CADM1: variants seen among roughly 807,000 people sequenced by gnomAD.
The protein encoded by CADM1 is TSLC-1.
Under a neutral mutation model 53.1 loss-of-function variants are expected in CADM1, and 15 were observed. That is an observed-to-expected ratio of 0.28 (90% CI 0.19 to 0.44). The LOEUF (loss-of-function observed/expected upper bound fraction) is 0.44, where lower values mean the gene tolerates loss of function less well. Ranked by LOEUF, CADM1 falls within the 20% of genes least tolerant of loss-of-function variation. The pLI, the probability that CADM1 is intolerant of heterozygous loss-of-function variation, is 1.00. For synonymous variants in CADM1, 281 were observed against 243.0 expected (o/e 1.16, Z -1.45); for missense variants, 434 against 611.3 (o/e 0.71, Z 3.06).
chr11:115,258,016 C>T (rs1248821687), intron 1 of CADM1, among the ~76,000 whole-genome samples: 1 of 152,194 alleles, frequency 6.6e-6, no homozygotes, highest in African/African-American at 2.4e-5. Context: ...CCTTTACCAA[C>T]CATCAAAGTA....
At chr11:115,366,804 C>T (rs1304015157) in intron 1 of CADM1, among the ~76,000 whole-genome samples, 3 of 151,664 alleles carry the variant, frequency 2.0e-5, no homozygotes, top group Non-Finnish European at 4.4e-5. Context: ...CAGAGTAAGT[C>T]AACACCAAAA....
At position 115,488,124 on chromosome 11, in the gene CADM1, T is replaced by C. The variant is rs147918228; in HGVS notation, c.124+16147A>G. On this transcript the variant is annotated intron_variant, in intron 1 of 11. Transcript: ENST00000331581. ...CATTCCTCTCAAAACTTCAACTAAT[T>C]GCAATAATCCACTCACAATGCCTAA... Among the ~76,000 whole-genome samples the C allele has an allele frequency of 2.2e-3, 335 of 152,056 alleles. 1 individual carries two copies. Among genetic ancestry groups the C allele is most frequent in the African/African-American group, 7.9e-3 (327 of 41,490 alleles).
intron 9 of CADM1, among the ~76,000 whole-genome samples, chr11:115,196,253 T>A (rs1283720173): frequency 6.6e-6 from 1 of 152,136 alleles, no homozygotes; most frequent in Non-Finnish European, 1.5e-5. Context: ...AAAGACCCGA[T>A]TAAAACTAGT....
Position 115,174,815 on chromosome 11 carries a change from A to G in CADM1, c.*1659T>C. 1 of 980,034 alleles carries G rather than the reference A, an allele frequency of 1.0e-6. No homozygotes were observed. The highest frequency in any genetic ancestry group is 1.2e-6 in the Non-Finnish European group (1 of 824,976). 60.7% of individuals were successfully genotyped at this position (980,034 alleles called of 1,614,324 possible). ...ATAGGGACTGTTAGCTGGAGTCTGG[A>G]GTCTTACCAAACATATGGTAAGAGT... On this transcript the variant is annotated 3_prime_UTR_variant, in exon 12 of 12. Transcript: ENST00000331581.
chr11:115,351,131 AAAC>A (rs1209774680), intron 1 of CADM1, among the ~76,000 whole-genome samples: 3 of 66 alleles, frequency 0.045, no homozygotes, highest in Non-Finnish European at 0.17. Flanking sequence ...GCAAGGAAAC[AAAC>A]AAAAAAAAGT....
intron 1 of CADM1, among the ~76,000 whole-genome samples, chr11:115,352,926 C>A (rs1945773219): frequency 6.6e-6 from 1 of 152,130 alleles, no homozygotes; most frequent in Non-Finnish European, 1.5e-5. Flanking sequence ...CAATCTGCCA[C>A]TGATGGGCAT....
chr11:115,350,461 A>G (rs1470523047), intron 1 of CADM1, among the ~76,000 whole-genome samples: 1 of 151,812 alleles, frequency 6.6e-6, no homozygotes, highest in Non-Finnish European at 1.5e-5. Flanking sequence ...TAGAAATCCT[A>G]AAAGTGCTTT....
At chr11:115,435,480 C>T (rs1481166975) in intron 1 of CADM1, among the ~76,000 whole-genome samples, 4 of 152,140 alleles carry the variant, frequency 2.6e-5, no homozygotes, top group Non-Finnish European at 5.9e-5. Context: ...CTCCTGTAAT[C>T]CCAGCACTTT....
At chr11:115,370,766 T>C (rs1946287716) in intron 1 of CADM1, among the ~76,000 whole-genome samples, 1 of 152,200 alleles carries the variant, frequency 6.6e-6, no homozygotes, top group African/African-American at 2.4e-5. Context: ...ACCTGGATTT[T>C]ATAGTTATCC....
At chr11:115,300,651 T>C (rs1565351983) in intron 1 of CADM1, among the ~76,000 whole-genome samples, 1 of 152,146 alleles carries the variant, frequency 6.6e-6, no homozygotes, top group Non-Finnish European at 1.5e-5. Context: ...TATCCCTATT[T>C]ACAATGTACC....
chr11:115,437,021 T>C (rs980702582), intron 1 of CADM1, among the ~76,000 whole-genome samples: 9 of 152,210 alleles, frequency 5.9e-5, no homozygotes, highest in African/African-American at 2.2e-4. Context: ...CAAGGAATTC[T>C]TTTTGTAAGT....
At chr11:115,349,733 A>G (rs1222868683) in intron 1 of CADM1, among the ~76,000 whole-genome samples, 5 of 152,204 alleles carry the variant, frequency 3.3e-5, no homozygotes, top group Non-Finnish European at 7.3e-5. Context: ...CAAGGGCTTG[A>G]CAGACAAGAA....
At chr11:115,426,208 G>A (rs1317289288) in intron 1 of CADM1, among the ~76,000 whole-genome samples, 3 of 152,124 alleles carry the variant, frequency 2.0e-5, no homozygotes, top group Non-Finnish European at 4.4e-5. Flanking sequence ...CATGATTAGT[G>A]GATGCTAGAA....
At chr11:115,343,684 T>C (rs1406145505) in intron 1 of CADM1, among the ~76,000 whole-genome samples, 1 of 149,900 alleles carries the variant, frequency 6.7e-6, no homozygotes, top group East Asian at 2.0e-4. Context: ...CCTTTATTTC[T>C]ATAAATAATG....
At chr11:115,242,328 G>C (rs1306027661) in intron 1 of CADM1, among the ~76,000 whole-genome samples, 1 of 144,198 alleles carries the variant, frequency 6.9e-6, no homozygotes, top group East Asian at 2.0e-4. Context: ...AAAGAGAAAA[G>C]GTGATCAGAA....
chr11:115,477,514 G>A (rs1949162201), intron 1 of CADM1, among the ~76,000 whole-genome samples: 1 of 152,174 alleles, frequency 6.6e-6, no homozygotes, highest in African/African-American at 2.4e-5. Context: ...TATCCACAAT[G>A]TCAACACTGT....
rs192136312 is a variant in CADM1, at chr11:115,228,870, G to A, written c.721+243C>T. Among the ~76,000 whole-genome samples, 136 of 152,260 alleles carry A rather than the reference G, an allele frequency of 8.9e-4. 1 individual carries two copies. The highest frequency in any genetic ancestry group is 4.8e-3 in the South Asian group (23 of 4,824). ...TATGCAAAGAAATTAATTAAGTCAC[G>A]TGTTAGAGCAGATTGATATTATTTC... On this transcript the variant is annotated intron_variant, in intron 5 of 11. Transcript: ENST00000331581.
At chr11:115,381,645 T>C (rs1239933352) in intron 1 of CADM1, among the ~76,000 whole-genome samples, 2 of 152,090 alleles carry the variant, frequency 1.3e-5, no homozygotes, top group Admixed American at 6.5e-5. Flanking sequence ...GTTATAGGGA[T>C]TAAAAGAGAA....
At chr11:115,238,392 C>T (rs1942085904) in intron 3 of CADM1, 108 bp downstream of exon 3, 1 of 1,244,900 alleles carries the variant, frequency 8.0e-7, no homozygotes, top group African/African-American at 1.5e-5. Context: ...GGTGATTCTT[C>T]CTGAAACAAG....
Sources: gnomAD v4.1 joint callset for allele counts (sites outside exome capture counted in the v4.1 genomes callset) on GRCh38, gnomAD v4.1.1 for gene constraint, MANE v1.5 for transcripts, NCBI Gene and HGNC (gene_info 2026-07-23, HGNC 2026-07-21) for gene names.